The following PPP1R11 variants were observed in gnomAD, a reference collection of about 807,000 sequenced individuals.
PPP1R11 encodes the protein protein phosphatase 1 regulatory inhibitor subunit 11, also known as E3 ubiquitin-protein ligase PPP1R11.
In PPP1R11, 10 loss-of-function variants were observed where a neutral mutation model predicts 11.3. The observed-to-expected ratio is 0.88, with a 90% CI of 0.55 to 1.50. The LOEUF is 1.50. PPP1R11 is among the 40% of genes most tolerant of loss of function. The pLI is 0.00. For missense variants in PPP1R11, 114 were observed against 179.1 expected, an observed-to-expected ratio of 0.64 and a Z score of 2.07; for synonymous variants, 56 against 62.3, an observed-to-expected ratio of 0.90 and a Z score of 0.48.
upstream of PPP1R11, among the ~76,000 whole-genome samples, chr6:30,063,016 G>C (rs778543712): frequency 1.0e-3 from 155 of 151,992 alleles, 3 homozygotes; most frequent in Admixed American, 1.2e-3. The surrounding 1 kb of genome is among the most constrained non-coding windows in gnomAD (Gnocchi z 4.1). Flanking sequence ...ACATGACTTA[G>C]AGAACATGGG....
upstream of PPP1R11, chr6:30,064,870 T>C (rs1765382953): frequency 2.3e-6 from 1 of 441,960 alleles, no homozygotes; most frequent in African/African-American, 2.0e-5. Flanking sequence ...CTTAGTTGAA[T>C]TTCCTTATTA....
chr6:30,067,779 A>G, intron 1 of PPP1R11: 1 of 391,980 alleles, frequency 2.6e-6, no homozygotes, highest in Non-Finnish European at 4.6e-6. Flanking sequence ...AGGAGCCAGG[A>G]AGATGTTGGG....
At chr6:30,068,484 T>C (rs747272127) in intron 1 of PPP1R11, 106 bp from the exon 2 acceptor site, 6 of 833,482 alleles carry the variant, frequency 7.2e-6, no homozygotes, top group Non-Finnish European at 1.2e-5. Context: ...GCTATGCCTA[T>C]GGTACTGATT....
upstream of PPP1R11, among the ~76,000 whole-genome samples, chr6:30,065,283 C>T (rs1365978557): frequency 6.6e-6 from 1 of 152,126 alleles, no homozygotes; most frequent in Non-Finnish European, 1.5e-5. The surrounding 1 kb of genome is among the most constrained non-coding windows in gnomAD (Gnocchi z 5.3). Context: ...TTGAACAACA[C>T]AGGTTTGAAC....
At chr6:30,064,895 T>C (rs150642316), upstream of PPP1R11, 1,414 of 434,774 alleles carry the variant, frequency 3.3e-3, 9 homozygotes, top group Middle Eastern at 0.016. Flanking sequence ...TATATTTTTC[T>C]ATAAGACCCT....
At chr6:30,061,573 C>T in the PPP1R11 span, 1 of 1,612,962 alleles carries the variant, frequency 6.2e-7, no homozygotes, top group East Asian at 2.2e-5. This position sits in a 1 kb window ranked among gnomAD's most constrained non-coding sequence, Gnocchi z 5.0. Flanking sequence ...TCAGTCGGAC[C>T]TGGATTTCTG....
Position 30,068,633 on chromosome 6 carries a change from A to G in PPP1R11, c.113A>G (p.Glu38Gly). 1 of 1,613,010 alleles carries G rather than the reference A, an allele frequency of 6.2e-7. No homozygotes were observed. Among genetic ancestry groups the G allele is most frequent in the South Asian group, 1.1e-5 (1 of 91,074 alleles). Residue 38 changes from glutamate to glycine, a missense_variant, in exon 2 of 3, where the codon GAG becomes GGG. By Grantham distance (98) the Glu-to-Gly change is moderately conservative (BLOSUM62 -2). Coordinates refer to ENST00000376772, the MANE Select transcript of PPP1R11 (RefSeq NM_021959.3). The part of the protein sequence containing the change: ...LTIKLRKRKP[E>G]KKVEWTSDTV... ...ATCAAACTTCGGAAACGGAAGCCAGAGAAAAAGGTAGAATGGACAAGTGAC... is the reference window on the plus strand; with the variant it reads ...ATCAAACTTCGGAAACGGAAGCCAGGGAAAAAGGTAGAATGGACAAGTGAC...
upstream of PPP1R11, chr6:30,064,789 C>T: frequency 1.7e-6 from 2 of 1,156,018 alleles, no homozygotes. Context: ...TGTCTGGTTG[C>T]AATGTTTTGC....
chr6:30,062,070 G>C, upstream of PPP1R11: 1 of 1,549,336 alleles, frequency 6.5e-7, no homozygotes, highest in Non-Finnish European at 8.9e-7. Context: ...GAAAGAAATG[G>C]AGGAGTGATT....
intron 1 of PPP1R11, 75 bp from the exon 2 acceptor site, chr6:30,068,515 G>A (rs1765693821): frequency 3.3e-6 from 4 of 1,204,278 alleles, no homozygotes; most frequent in South Asian, 2.6e-5. Flanking sequence ...AGAAAAGAGA[G>A]GAGGTTCCCT....
upstream of PPP1R11, among the ~76,000 whole-genome samples, chr6:30,062,863 C>T (rs1441715586): frequency 4.0e-5 from 6 of 150,104 alleles, no homozygotes; most frequent in African/African-American, 1.2e-4. Flanking sequence ...TGAGCCACCC[C>T]GCCTGACCTA....
chr6:30,061,330 G>GTCCT, the PPP1R11 span: 1 of 579,304 alleles, frequency 1.7e-6, no homozygotes, highest in Non-Finnish European at 2.9e-6. This position sits in a 1 kb window ranked among gnomAD's most constrained non-coding sequence, Gnocchi z 5.0. Flanking sequence ...AGGGTTCCAA[G>GTCCT]TCCTTTAGTA....
chr6:30,062,174 G>C (rs757134212), upstream of PPP1R11: 1 of 1,507,706 alleles, frequency 6.6e-7, no homozygotes, highest in South Asian at 1.1e-5. Flanking sequence ...ATTCCTGTGG[G>C]AAGTAAGGGG....
upstream of PPP1R11, among the ~76,000 whole-genome samples, chr6:30,063,550 TTATTA>T (rs1212878085): frequency 2.0e-5 from 3 of 151,742 alleles, no homozygotes; most frequent in Admixed American, 6.6e-5. The surrounding 1 kb of genome is among the most constrained non-coding windows in gnomAD (Gnocchi z 4.1). Context: ...TTAAATATGG[TTATTA>T]TATTCTATGT....
upstream of PPP1R11, among the ~76,000 whole-genome samples, chr6:30,063,511 T>G (rs1273200066): frequency 6.6e-6 from 1 of 151,198 alleles, no homozygotes; most frequent in Non-Finnish European, 1.5e-5. This position sits in a 1 kb window ranked among gnomAD's most constrained non-coding sequence, Gnocchi z 4.1. Context: ...TTGTTCCTTT[T>G]ATTATTCTTT....
rs766660748 is a variant in PPP1R11, at chr6:30,069,138, C to T, written c.213C>T (p.Gly71=). 15 of 1,612,138 alleles carry T rather than the reference C, an allele frequency of 9.3e-6. No individual in the cohort carries two copies. The highest frequency in any genetic ancestry group is 5.5e-5 in the South Asian group (5 of 91,064). ...TTTATGAGAAACCTCGGGCCTTTGG[C>T]GAGAGCTCCACGGAAAGTGATGAGG... ...CCIYEKPRAF[G]ESSTESDEEE... The change falls in exon 3 of 3, where the codon GGC becomes GGT. Residue 71 remains glycine (G), a synonymous_variant. Coordinates refer to ENST00000376772, the MANE Select transcript of PPP1R11 (RefSeq NM_021959.3). The surrounding 1 kb of genome is among the most constrained non-coding windows in gnomAD (Gnocchi z 6.6).
upstream of PPP1R11, chr6:30,062,477 G>GT (rs1561962781): frequency 2.1e-5 from 9 of 428,274 alleles, no homozygotes; most frequent in South Asian, 4.4e-5. Flanking sequence ...ATTTGTAGTT[G>GT]TTTTTTATTT....
At chr6:30,063,044 A>G (rs1561964458), upstream of PPP1R11, among the ~76,000 whole-genome samples, 1 of 152,118 alleles carries the variant, frequency 6.6e-6, no homozygotes. The surrounding 1 kb of genome is among the most constrained non-coding windows in gnomAD (Gnocchi z 4.1). Flanking sequence ...AATGCTTTTA[A>G]GACCTCATTT....
upstream of PPP1R11, chr6:30,061,980 T>C: frequency 6.2e-7 from 1 of 1,613,126 alleles, no homozygotes; most frequent in South Asian, 1.1e-5. This position sits in a 1 kb window ranked among gnomAD's most constrained non-coding sequence, Gnocchi z 5.0. Context: ...GCCATGCCTA[T>C]GTCGGTGGAG....
Sources: allele counts gnomAD v4.1 joint callset (sites outside exome capture counted in the v4.1 genomes callset), GRCh38; gene constraint gnomAD v4.1.1; non-coding constraint Gnocchi (gnomAD v3.1); transcripts MANE v1.5; gene names NCBI Gene and HGNC (gene_info 2026-07-23, HGNC 2026-07-21).